ACTR3C: variants seen among roughly 807,000 people sequenced by gnomAD.
ACTR3C encodes actin related protein 3C.
A neutral mutation model predicts 26.3 loss-of-function variants in ACTR3C; 18 were observed. That is an observed-to-expected ratio of 0.68 (90% confidence interval 0.47 to 1.01). ACTR3C has a LOEUF of 1.01. Ranked by LOEUF, ACTR3C falls within the 50% of genes least tolerant of loss-of-function variation. The pLI is 0.00. For missense variants in ACTR3C, 184 were observed against 250.7 expected (o/e 0.73, Z 1.80); for synonymous variants, 55 against 94.5 (o/e 0.58, Z 2.42).
At chr7:149,998,951 G>A in the ACTR3C span, among the ~76,000 whole-genome samples, 2 of 150,454 alleles carry the variant, frequency 1.3e-5, no homozygotes, top group Admixed American at 1.3e-4. Context: ...ACATGATGAG[G>A]AAGGGCCTAC....
the ACTR3C span, among the ~76,000 whole-genome samples, chr7:149,889,379 C>T: frequency 8.5e-5 from 13 of 152,254 alleles, no homozygotes; most frequent in African/African-American, 2.4e-4. Context: ...GGGAAAAGAT[C>T]GCTGTGGTAC....
intron 6 of ACTR3C, among the ~76,000 whole-genome samples, chr7:150,261,529 C>T (rs567217345): frequency 3.3e-5 from 5 of 152,346 alleles, no homozygotes; most frequent in East Asian, 1.9e-4. Flanking sequence ...GGTGAAACCC[C>T]GTCTCTACTA....
chr7:150,098,322 T>C, the ACTR3C span, among the ~76,000 whole-genome samples: 1 of 151,702 alleles, frequency 6.6e-6, no homozygotes, highest in South Asian at 2.1e-4. Flanking sequence ...AAAAGAGATA[T>C]GTGGGATCAG....
chr7:150,322,009 G>T (rs1017392130), intron 1 of ACTR3C, among the ~76,000 whole-genome samples: 1 of 152,236 alleles, frequency 6.6e-6, no homozygotes, highest in African/African-American at 2.4e-5. Context: ...GGAGACAAAA[G>T]TTGTTCACTT....
the ACTR3C span, among the ~76,000 whole-genome samples, chr7:149,978,851 T>A: frequency 0.016 from 2,269 of 145,576 alleles, 34 homozygotes; most frequent in African/African-American, 0.051. Flanking sequence ...ACCAGATTGT[T>A]GTTCTTCTCA....
At chr7:150,035,503 A>G in the ACTR3C span, among the ~76,000 whole-genome samples, 69 of 110,782 alleles carry the variant, frequency 6.2e-4, 2 homozygotes, top group South Asian at 1.1e-3. Flanking sequence ...AAGAGGGGAT[A>G]GCTCTCAGTC....
the ACTR3C span, among the ~76,000 whole-genome samples, chr7:150,169,261 T>C: frequency 1.3e-5 from 2 of 149,812 alleles, no homozygotes; most frequent in Non-Finnish European, 2.9e-5. Context: ...CAGGCACCTG[T>C]AGTTACAGCT....
At chr7:150,103,335 G>A in the ACTR3C span, among the ~76,000 whole-genome samples, 1 of 152,002 alleles carries the variant, frequency 6.6e-6, no homozygotes, top group African/African-American at 2.4e-5. Flanking sequence ...AAATAAAATA[G>A]AGTAAAACAA....
the ACTR3C span, among the ~76,000 whole-genome samples, chr7:150,039,809 G>GCAC: frequency 3.6e-4 from 45 of 125,318 alleles, no homozygotes; most frequent in Non-Finnish European, 5.5e-4. Context: ...CTCAGTCCCT[G>GCAC]CCTCGCGGGG....
the ACTR3C span, among the ~76,000 whole-genome samples, chr7:150,190,638 A>G: frequency 6.6e-6 from 1 of 152,188 alleles, no homozygotes; most frequent in Non-Finnish European, 1.5e-5. Flanking sequence ...CATCTTTGCA[A>G]CAAGTCAGTT....
the ACTR3C span, among the ~76,000 whole-genome samples, chr7:150,037,275 A>G: frequency 4.2e-5 from 2 of 47,258 alleles, no homozygotes; most frequent in South Asian, 6.8e-4. Context: ...ACTAACACCC[A>G]CAGTCCTCCA....
At chr7:149,985,815 C>T in the ACTR3C span, among the ~76,000 whole-genome samples, 1 of 152,156 alleles carries the variant, frequency 6.6e-6, no homozygotes, top group African/African-American at 2.4e-5. Flanking sequence ...GGCTTGAGCT[C>T]GAAGTCCCCA....
chr7:150,321,561 G>A (rs960227831), intron 1 of ACTR3C, among the ~76,000 whole-genome samples: 17 of 152,216 alleles, frequency 1.1e-4, no homozygotes, highest in Admixed American at 5.9e-4. Context: ...CCAATATGGC[G>A]AAACCCCGTC....
chr7:150,202,771 T>C, the ACTR3C span, among the ~76,000 whole-genome samples: 1 of 152,246 alleles, frequency 6.6e-6, no homozygotes, highest in Non-Finnish European at 1.5e-5. Flanking sequence ...TGGAGACTAC[T>C]TAATACAACA....
intron 1 of ACTR3C, among the ~76,000 whole-genome samples, chr7:150,310,711 C>A (rs904089687): frequency 6.6e-6 from 1 of 152,148 alleles, no homozygotes; most frequent in Admixed American, 6.5e-5. Flanking sequence ...CTGTCCTACC[C>A]CAAGGTTTCA....
chr7:149,992,674 G>A, the ACTR3C span, among the ~76,000 whole-genome samples: 1 of 152,228 alleles, frequency 6.6e-6, no homozygotes, highest in Non-Finnish European at 1.5e-5. Context: ...AGAAGTGAAC[G>A]TGGCAAAGAA....
chr7:150,085,490 C>T, the ACTR3C span, among the ~76,000 whole-genome samples: 3 of 152,006 alleles, frequency 2.0e-5, no homozygotes, highest in Non-Finnish European at 4.4e-5. Context: ...TAGATAAAGG[C>T]CATAAAAGTG....
At chr7:150,239,544 A>C (rs200744337), downstream of ACTR3C, among the ~76,000 whole-genome samples, 3,126 of 121,030 alleles carry the variant, frequency 0.026, 91 homozygotes, top group East Asian at 0.037. Context: ...CTCTCTCTAT[A>C]TATATATATA....
At chr7:150,286,017 T>C (rs1490603827) in intron 5 of ACTR3C, among the ~76,000 whole-genome samples, 1 of 152,210 alleles carries the variant, frequency 6.6e-6, no homozygotes, top group African/African-American at 2.4e-5. Context: ...CCCACTCTTA[T>C]GCACAGGCAA....
Sources: gnomAD v4.1 joint callset for allele counts (sites outside exome capture counted in the v4.1 genomes callset) on GRCh38, gnomAD v4.1.1 for gene constraint, MANE v1.5 for transcripts, NCBI Gene and HGNC (gene_info 2026-07-23, HGNC 2026-07-21) for gene names.